Variants in TRABD2B observed in about 807,000 individuals in gnomAD.
TRABD2B encodes metalloprotease TIKI2.
Under a neutral mutation model 40.1 loss-of-function variants are expected in TRABD2B, and 14 were observed. The observed-to-expected ratio is 0.35, with a 90% CI of 0.23 to 0.55. The LOEUF is 0.55. TRABD2B is among the 20% of genes least tolerant of loss of function. The probability of loss-of-function intolerance (pLI) is 0.90; values close to 1 mark genes in which losing one functional copy is unlikely to be tolerated. For synonymous variants in TRABD2B, 263 were observed against 277.0 expected (o/e 0.95, Z 0.50); for missense variants, 541 against 648.6 (o/e 0.83, Z 1.80).
intron 2 of TRABD2B, among the ~76,000 whole-genome samples, chr1:47,807,305 G>A (rs1396711086): frequency 6.6e-6 from 1 of 152,168 alleles, no homozygotes; most frequent in Non-Finnish European, 1.5e-5. Flanking sequence ...TGGAGGTGAG[G>A]AAGAGTGTTT....
chr1:47,887,742 A>G (rs755630915), intron 2 of TRABD2B, among the ~76,000 whole-genome samples: 1 of 152,148 alleles, frequency 6.6e-6, no homozygotes, highest in Non-Finnish European at 1.5e-5. Flanking sequence ...AGCAGCGAAG[A>G]AAGGGTGTAA....
At chr1:47,948,524 G>A (rs1233701963) in intron 2 of TRABD2B, among the ~76,000 whole-genome samples, 1 of 152,044 alleles carries the variant, frequency 6.6e-6, no homozygotes, top group Non-Finnish European at 1.5e-5. Flanking sequence ...TTTAAACCTC[G>A]AATGTCTAGA....
chr1:47,856,614 C>T (rs1317911767), intron 2 of TRABD2B, among the ~76,000 whole-genome samples: 1 of 152,142 alleles, frequency 6.6e-6, no homozygotes, highest in Non-Finnish European at 1.5e-5. Flanking sequence ...GTCATGATGT[C>T]CTGATGGTCT....
intron 2 of TRABD2B, among the ~76,000 whole-genome samples, chr1:47,899,741 C>G (rs2124676161): frequency 6.6e-6 from 1 of 152,224 alleles, no homozygotes; most frequent in East Asian, 1.9e-4. Context: ...AAGGGAAGCC[C>G]TTGGAAATGA....
intron 2 of TRABD2B, among the ~76,000 whole-genome samples, chr1:47,955,814 C>T (rs1251121949): frequency 6.6e-6 from 1 of 152,208 alleles, no homozygotes; most frequent in Non-Finnish European, 1.5e-5. Flanking sequence ...TGGGCCAAGC[C>T]TGCCAGGCCA....
chr1:47,822,233 A>G (rs764637190), intron 2 of TRABD2B, among the ~76,000 whole-genome samples: 3 of 151,952 alleles, frequency 2.0e-5, no homozygotes, highest in Non-Finnish European at 2.9e-5. Context: ...TCCACTACAC[A>G]TTGCTTTGGG....
intron 2 of TRABD2B, among the ~76,000 whole-genome samples, chr1:47,978,102 T>C (rs1382748730): frequency 1.3e-5 from 2 of 152,032 alleles, no homozygotes; most frequent in African/African-American, 4.8e-5. Flanking sequence ...GTGACGGTAT[T>C]AGGAAGTGGG....
chr1:47,791,081 C>A (rs1223502116), intron 4 of TRABD2B, among the ~76,000 whole-genome samples: 2 of 152,228 alleles, frequency 1.3e-5, no homozygotes. Context: ...AGAAGCCAGA[C>A]TGCAGTCAGC....
intron 2 of TRABD2B, among the ~76,000 whole-genome samples, chr1:47,839,790 G>T (rs1342409379): frequency 1.3e-5 from 2 of 152,154 alleles, no homozygotes; most frequent in African/African-American, 2.4e-5. Flanking sequence ...CTTAACTCCG[G>T]TCACACCATT....
chr1:47,943,599 C>A (rs1404438977), intron 2 of TRABD2B, among the ~76,000 whole-genome samples: 2 of 152,154 alleles, frequency 1.3e-5, no homozygotes, highest in African/African-American at 4.8e-5. Flanking sequence ...CACCCCCACT[C>A]ACGCTAGAAC....
chr1:47,790,903 C>T (rs930045467), intron 4 of TRABD2B, among the ~76,000 whole-genome samples: 1 of 152,206 alleles, frequency 6.6e-6, no homozygotes, highest in African/African-American at 2.4e-5. Context: ...TCCCATGAGG[C>T]AGATGTATTG....
At position 47,897,075 on chromosome 1, in the gene TRABD2B, T is replaced by C. The variant is rs151035476; in HGVS notation, c.667-95456A>G. On this transcript the variant is annotated intron_variant, in intron 2 of 6. Transcript: ENST00000606738. Reference sequence around the variant, plus strand: ...AACAAAAAACATAGCAAGTAAATTATGTAACATGTTAGATGACAGGAAGTG... The same window carrying C: ...AACAAAAAACATAGCAAGTAAATTACGTAACATGTTAGATGACAGGAAGTG... Among the ~76,000 whole-genome samples the C allele has an allele frequency of 5.3e-5, 8 of 152,268 alleles. No homozygotes were observed. The East Asian group carries it at 9.6e-4, about 18-fold the overall frequency.
At chr1:47,884,181 T>C (rs1352745471) in intron 2 of TRABD2B, among the ~76,000 whole-genome samples, 1 of 152,214 alleles carries the variant, frequency 6.6e-6, no homozygotes, top group African/African-American at 2.4e-5. Context: ...GTAGGGTGGC[T>C]CTTTCCTATG....
chr1:47,926,353 G>T (rs1434969693), intron 2 of TRABD2B, among the ~76,000 whole-genome samples: 2 of 152,168 alleles, frequency 1.3e-5, no homozygotes, highest in Non-Finnish European at 2.9e-5. Context: ...TTGCACTGTA[G>T]ATCTGCCCGG....
chr1:47,920,479 G>A (rs1203546521), intron 2 of TRABD2B, among the ~76,000 whole-genome samples: 1 of 152,192 alleles, frequency 6.6e-6, no homozygotes, highest in African/African-American at 2.4e-5. Flanking sequence ...GGGGAGGCTG[G>A]GTGTTTTCCC....
chr1:47,906,651 G>T (rs1644682521), intron 2 of TRABD2B, among the ~76,000 whole-genome samples: 1 of 152,232 alleles, frequency 6.6e-6, no homozygotes, highest in African/African-American at 2.4e-5. Context: ...CAGCCTGGCT[G>T]GAGGCTGTCA....
chr1:47,846,251 C>T (rs1645467560), intron 2 of TRABD2B, among the ~76,000 whole-genome samples: 1 of 152,196 alleles, frequency 6.6e-6, no homozygotes, highest in Admixed American at 6.5e-5. Flanking sequence ...CTTTTCTTTC[C>T]AAGGGAAATG....
At chr1:47,868,032 G>GA (rs772057469) in intron 2 of TRABD2B, among the ~76,000 whole-genome samples, 38 of 152,112 alleles carry the variant, frequency 2.5e-4, no homozygotes, top group Admixed American at 8.5e-4. Flanking sequence ...CCTGATTGCT[G>GA]AAAAAACACC....
At chr1:47,822,839 A>G (rs1265669758) in intron 2 of TRABD2B, among the ~76,000 whole-genome samples, 1 of 152,216 alleles carries the variant, frequency 6.6e-6, no homozygotes, top group South Asian at 2.1e-4. Flanking sequence ...CACACTTGTA[A>G]GCACTAGCAA....
Sources: gnomAD v4.1 joint callset for allele counts (sites outside exome capture counted in the v4.1 genomes callset) on GRCh38, gnomAD v4.1.1 for gene constraint, MANE v1.5 for transcripts, NCBI Gene and HGNC (gene_info 2026-07-23, HGNC 2026-07-21) for gene names.